Variants in WWC2 observed in about 807,000 individuals in gnomAD.
WWC2 encodes the protein protein WWC2.
In WWC2, 101 loss-of-function variants were observed where a neutral mutation model predicts 138.5. That is an observed-to-expected ratio of 0.73 (90% CI 0.62 to 0.86). The LOEUF is 0.86. WWC2 is among the 40% of genes least tolerant of loss of function. The probability of loss-of-function intolerance (pLI) is 0.00; values close to 1 mark genes in which losing one functional copy is unlikely to be tolerated. For synonymous variants in WWC2, 558 were observed against 538.4 expected (o/e 1.04, Z -0.50); for missense variants, 1,420 against 1,419.4 (o/e 1.00, Z -0.01).
chr4:183,102,868 C>CT lies in WWC2; in HGVS notation c.131+3264dup, dbSNP rs779381709. On this transcript the variant is annotated intron_variant, in intron 1 of 22. Coordinates refer to ENST00000403733, the MANE Select transcript of WWC2 (RefSeq NM_024949.6). Reference sequence around the variant, plus strand: ...TAGGTCTTGGCCAAATGGCCTGGTGCTTTTTTTTTTTTTTTTTTAATTACA... The same window carrying CT: ...TAGGTCTTGGCCAAATGGCCTGGTGCTTTTTTTTTTTTTTTTTTTAATTACA... Among the ~76,000 whole-genome samples, 756 of 118,790 alleles carry CT rather than the reference C, an allele frequency of 6.4e-3. 4 individuals are homozygous for CT. The highest frequency in any genetic ancestry group is 9.7e-3 in the Middle Eastern group (2 of 206). The allele number at this position is 118,790 out of a possible 152,430, so 77.9% of individuals were successfully genotyped here.
chr4:183,114,619 G>A (rs574639736), intron 1 of WWC2, among the ~76,000 whole-genome samples: 4 of 151,928 alleles, frequency 2.6e-5, no homozygotes, highest in Non-Finnish European at 4.4e-5. Flanking sequence ...TATTTTTTGT[G>A]AAACCTTGTT....
rs1735193836 is a variant in WWC2 at position 183,198,115 on chromosome 4, A to G, written c.241+4407A>G. 1.3e-5 allele frequency among the ~76,000 whole-genome samples: 2 copies of G among 152,138 alleles called. 1 individual carries two copies. Among genetic ancestry groups the G allele is most frequent in the South Asian group, 4.1e-4 (2 of 4,824 alleles). Reference sequence around the variant, plus strand: ...CTACTTGGGAGGCTGAGGTGGGCAGATTGCTGGAGCCTAGGAGTTCAAGGC... The same window carrying G: ...CTACTTGGGAGGCTGAGGTGGGCAGGTTGCTGGAGCCTAGGAGTTCAAGGC... On this transcript the variant is annotated intron_variant, in intron 2 of 22. Transcript: ENST00000403733.
intron 4 of WWC2, among the ~76,000 whole-genome samples, chr4:183,227,205 T>C (rs888640348): frequency 2.3e-4 from 35 of 152,000 alleles, no homozygotes; most frequent in Non-Finnish European, 8.8e-5. Context: ...AAAAAAAACA[T>C]TGGGACCGTT....
rs1739498607 is a variant in WWC2, at chr4:183,318,142, T to C, written c.*2413T>C. ...ATTTATTCGCACAGGGTAAAAAGAA[T>C]GTAATATTTAGTTCTCAAGTTTGAA... On this transcript the variant is annotated 3_prime_UTR_variant, in exon 23 of 23. Transcript: ENST00000403733. 6.6e-6 allele frequency: 1 copy of C among 152,462 alleles called. No individual in the cohort carries two copies. Among genetic ancestry groups the C allele is most frequent in the Non-Finnish European group, 1.5e-5 (1 of 68,032 alleles). The allele number at this position is 152,462 out of a possible 1,614,324, so 9.4% of individuals were successfully genotyped here.
At chr4:183,149,840 G>A (rs974783628) in intron 1 of WWC2, among the ~76,000 whole-genome samples, 3 of 152,126 alleles carry the variant, frequency 2.0e-5, no homozygotes, top group Admixed American at 1.3e-4. Flanking sequence ...GTCTAGATCC[G>A]TGAATTAATA....
rs1735481777 is a variant in WWC2 at position 183,207,587 on chromosome 4, A to G, written c.242-366A>G. 3.3e-5 allele frequency among the ~76,000 whole-genome samples: 5 copies of G among 152,314 alleles called. 1 individual carries two copies. The Middle Eastern group carries it at 0.014, about 414-fold the overall frequency. ...CTGATGCAGAGGGCAGTGTGTCTAC[A>G]GTCCTGTATTAGGTGAATGAAGGTG... is the stretch of plus-strand genomic sequence containing the variant. On this transcript the variant is annotated intron_variant, in intron 2 of 22. Transcript: ENST00000403733.
intron 4 of WWC2, among the ~76,000 whole-genome samples, chr4:183,217,923 GA>G (rs199904397): frequency 1.3e-5 from 2 of 149,480 alleles, no homozygotes; most frequent in African/African-American, 4.9e-5. Context: ...AAGGCAGAAT[GA>G]AAAAAAAAGA....
At chr4:183,144,114 A>G (rs1245970519) in intron 1 of WWC2, among the ~76,000 whole-genome samples, 1 of 152,248 alleles carries the variant, frequency 6.6e-6, no homozygotes, top group Non-Finnish European at 1.5e-5. Context: ...TTAAATGGGA[A>G]CAGTTGATAT....
chr4:183,207,930 T>A, intron 2 of WWC2, 23 bp from the exon 3 acceptor site: 1 of 1,574,912 alleles, frequency 6.3e-7, no homozygotes, highest in Non-Finnish European at 8.6e-7. Context: ...TTCTAAAAAG[T>A]ACCCTCCACC....
intron 1 of WWC2, among the ~76,000 whole-genome samples, chr4:183,124,032 A>G (rs1236839797): frequency 6.6e-6 from 1 of 152,190 alleles, no homozygotes; most frequent in African/African-American, 2.4e-5. Context: ...TTGGAATTAA[A>G]TATGTTCCTT....
At chr4:183,258,714 G>A (rs2111352259) in intron 9 of WWC2, among the ~76,000 whole-genome samples, 1 of 152,318 alleles carries the variant, frequency 6.6e-6, no homozygotes, top group African/African-American at 2.4e-5. Context: ...AGAAAAGTAA[G>A]ACCCTTGATT....
At chr4:183,187,563 T>TAATAATAATAAC (rs1734846762) in intron 1 of WWC2, among the ~76,000 whole-genome samples, 1 of 137,134 alleles carries the variant, frequency 7.3e-6, no homozygotes. Flanking sequence ...AAAATAATAA[T>TAATAATAATAAC]AATAATAATA....
intron 21 of WWC2, among the ~76,000 whole-genome samples, chr4:183,295,281 G>A (rs1738597369): frequency 6.6e-6 from 1 of 152,176 alleles, no homozygotes. Context: ...ATCCAACCTT[G>A]GAGAAGTCCC....
intron 16 of WWC2, 30 bp downstream of exon 16, chr4:183,271,271 G>C: frequency 5.1e-6 from 8 of 1,570,678 alleles, no homozygotes; most frequent in Non-Finnish European, 6.9e-6. Context: ...TAATATGAAA[G>C]TAATGTGAAA....
At chr4:183,294,381 T>C (rs930974405) in intron 21 of WWC2, among the ~76,000 whole-genome samples, 1 of 152,222 alleles carries the variant, frequency 6.6e-6, no homozygotes, top group Admixed American at 6.5e-5. Context: ...GGACTTGCCC[T>C]ACAAATTTAT....
chr4:183,315,441 T>C (rs1445517089), intron 22 of WWC2, among the ~76,000 whole-genome samples: 1 of 152,140 alleles, frequency 6.6e-6, no homozygotes, highest in Non-Finnish European at 1.5e-5. Context: ...GCTTGGTCTG[T>C]AGGTGACTTC....
chr4:183,266,731 T>G (rs2111370680), intron 14 of WWC2, among the ~76,000 whole-genome samples: 1 of 152,276 alleles, frequency 6.6e-6, no homozygotes. Context: ...AAGTGGATCT[T>G]AATAATATTT....
At chr4:183,106,960 G>A (rs142507879) in intron 1 of WWC2, among the ~76,000 whole-genome samples, 1 of 151,984 alleles carries the variant, frequency 6.6e-6, no homozygotes. Context: ...GGAGTTGCTG[G>A]GTCATATGGC....
chr4:183,134,955 A>ACG (rs1472017470), intron 1 of WWC2, among the ~76,000 whole-genome samples: 8 of 130,764 alleles, frequency 6.1e-5, no homozygotes, highest in Admixed American at 2.1e-4. Flanking sequence ...TAAATTCGAG[A>ACG]GAGTCTTGCT....
Sources: gnomAD v4.1 joint callset for allele counts (sites outside exome capture counted in the v4.1 genomes callset) on GRCh38, gnomAD v4.1.1 for gene constraint, MANE v1.5 for transcripts, NCBI Gene and HGNC (gene_info 2026-07-23, HGNC 2026-07-21) for gene names.